Variants in MRAS observed in about 807,000 individuals in gnomAD.
MRAS encodes muscle RAS oncogene homolog.
Under a neutral mutation model 20.9 loss-of-function variants are expected in MRAS, and 4 were observed. The ratio of observed to expected loss-of-function variants is 0.19; its 90% CI spans 0.09 to 0.44. MRAS has a LOEUF of 0.44. MRAS is among the 20% of genes least tolerant of loss of function. The probability of loss-of-function intolerance (pLI) is 0.99; values close to 1 mark genes in which losing one functional copy is unlikely to be tolerated. For missense variants in MRAS, 154 were observed against 277.5 expected, an observed-to-expected ratio of 0.56 and a Z score of 3.16; for synonymous variants, 98 against 102.9, an observed-to-expected ratio of 0.95 and a Z score of 0.29.
At chr3:138,398,975 G>A (rs929930656) in intron 4 of MRAS, among the ~76,000 whole-genome samples, 3 of 152,222 alleles carry the variant, frequency 2.0e-5, no homozygotes, top group Non-Finnish European at 4.4e-5. Flanking sequence ...TCCCCTCTGG[G>A]TGTGTGCAGG....
At chr3:138,362,276 T>G (rs1174769278) in intron 1 of MRAS, among the ~76,000 whole-genome samples, 3 of 152,194 alleles carry the variant, frequency 2.0e-5, no homozygotes, top group Admixed American at 2.0e-4. Context: ...GGCAGTGTTT[T>G]CATTTTGCAA....
chr3:138,364,739 T>TA (rs1031823640), intron 1 of MRAS, among the ~76,000 whole-genome samples: 1 of 152,250 alleles, frequency 6.6e-6, no homozygotes, highest in Non-Finnish European at 1.5e-5. Context: ...ACCAGATCTA[T>TA]GCCCTGGTCA....
intron 2 of MRAS, among the ~76,000 whole-genome samples, chr3:138,390,624 T>C (rs1055341174): frequency 2.6e-5 from 4 of 151,762 alleles, no homozygotes; most frequent in Admixed American, 2.6e-4. Context: ...AGCCCTGGAG[T>C]CAGAACTGCT....
At chr3:138,365,262 G>T (rs1349112074) in intron 1 of MRAS, among the ~76,000 whole-genome samples, 2 of 152,178 alleles carry the variant, frequency 1.3e-5, no homozygotes, top group African/African-American at 2.4e-5. Context: ...GATCACTATT[G>T]AATTATAATT....
intron 2 of MRAS, among the ~76,000 whole-genome samples, chr3:138,395,160 C>A (rs1269772518): frequency 6.6e-6 from 1 of 152,026 alleles, no homozygotes; most frequent in Non-Finnish European, 1.5e-5. Flanking sequence ...CCTGCCTCAG[C>A]CTCATGAGTA....
chr3:138,365,807 G>GACC (rs1464618429), intron 1 of MRAS, among the ~76,000 whole-genome samples: 1 of 152,192 alleles, frequency 6.6e-6, no homozygotes, highest in Non-Finnish European at 1.5e-5. Flanking sequence ...CAAGGAAGGG[G>GACC]ACCATGATCC....
At chr3:138,391,347 G>T (rs893906196) in intron 2 of MRAS, among the ~76,000 whole-genome samples, 1 of 152,138 alleles carries the variant, frequency 6.6e-6, no homozygotes, top group Non-Finnish European at 1.5e-5. Flanking sequence ...TTTAATTAGA[G>T]AGTTATAGAG....
At chr3:138,353,773 T>A (rs2054275445) in intron 1 of MRAS, among the ~76,000 whole-genome samples, 1 of 152,206 alleles carries the variant, frequency 6.6e-6, no homozygotes, top group Non-Finnish European at 1.5e-5. Flanking sequence ...ATATTCGCTA[T>A]CTCTAAGCCT....
chr3:138,375,633 C>G (rs1460731248), intron 2 of MRAS, among the ~76,000 whole-genome samples: 1 of 152,198 alleles, frequency 6.6e-6, no homozygotes, highest in Non-Finnish European at 1.5e-5. Flanking sequence ...CATATTTTGT[C>G]TGTCTGTTGG....
chr3:138,364,934 T>G (rs1440642640), intron 1 of MRAS, among the ~76,000 whole-genome samples: 6 of 152,220 alleles, frequency 3.9e-5, no homozygotes, highest in Non-Finnish European at 7.3e-5. Context: ...CTGACCTCTT[T>G]CCAGCACTCC....
Position 138,405,228 on chromosome 3 carries a change from C to T in MRAS, c.*2959C>T, listed in dbSNP as rs965101460. The T allele has an allele frequency of 3.9e-5, 6 of 152,662 alleles. No homozygotes were observed. The highest frequency in any genetic ancestry group is 2.6e-4 in the Admixed American group (4 of 15,284). 9.5% of individuals were successfully genotyped at this position (152,662 alleles called of 1,614,324 possible). A position where few individuals can be genotyped will look rare whatever the true frequency, so the allele number is the denominator to read the frequency against. On this transcript the variant is annotated 3_prime_UTR_variant, in exon 6 of 6. Coordinates refer to ENST00000423968, the MANE Select transcript of MRAS (RefSeq NM_001085049.3). ...TGTCTCACTTTTCCAGGAGACATGACCCACTAACGTGGCAACTTTAACCCA... is the reference window on the plus strand; with the variant it reads ...TGTCTCACTTTTCCAGGAGACATGATCCACTAACGTGGCAACTTTAACCCA...
rs766572718 is a variant in MRAS at position 138,397,442 on chromosome 3, C to T, written c.312C>T (p.Asp104=). 6.2e-7 allele frequency: 1 copy of T among 1,614,152 alleles called. No individual in the cohort carries two copies. The highest frequency in any genetic ancestry group is 8.5e-7 in the Non-Finnish European group (1 of 1,180,006). ...ACAAGGCCAGCTTTGAGCACGTGGACCGCTTCCACCAGCTTATCCTGCGCG... is the reference window on the plus strand; with the variant it reads ...ACAAGGCCAGCTTTGAGCACGTGGATCGCTTCCACCAGCTTATCCTGCGCG... The part of the protein sequence containing the change: ...VTDKASFEHV[D]RFHQLILRVK... Residue 104 remains aspartate (D), a synonymous_variant, in exon 3 of 6, where the codon GAC becomes GAT. Coordinates refer to ENST00000423968, the MANE Select transcript of MRAS (RefSeq NM_001085049.3).
At chr3:138,370,100 AC>A (rs1003503268) in intron 1 of MRAS, among the ~76,000 whole-genome samples, 1 of 152,148 alleles carries the variant, frequency 6.6e-6, no homozygotes, top group African/African-American at 2.4e-5. Context: ...CAGGCAGGTC[AC>A]AAGGTCAGGA....
chr3:138,364,938 G>A (rs2054530040), intron 1 of MRAS, among the ~76,000 whole-genome samples: 1 of 152,182 alleles, frequency 6.6e-6, no homozygotes, highest in South Asian at 2.1e-4. Flanking sequence ...CCTCTTTCCA[G>A]CACTCCTGGA....
At chr3:138,363,183 C>T (rs1026980750) in intron 1 of MRAS, among the ~76,000 whole-genome samples, 5 of 152,050 alleles carry the variant, frequency 3.3e-5, no homozygotes, top group African/African-American at 1.2e-4. Flanking sequence ...CTCCCTCAGC[C>T]TCTTGAGTAG....
chr3:138,374,299 A>G (rs1408764319), intron 2 of MRAS, among the ~76,000 whole-genome samples: 2 of 151,998 alleles, frequency 1.3e-5, no homozygotes, highest in Non-Finnish European at 2.9e-5. Flanking sequence ...GGTCTTTTAC[A>G]TGTTTTGTCA....
In MRAS at chr3:138,396,443, C is replaced by CG. The variant is rs2055237348; in HGVS notation, c.194-880dup. 5.3e-5 allele frequency among the ~76,000 whole-genome samples: 8 copies of CG among 152,270 alleles called. No individual in the cohort carries two copies. The South Asian group carries it at 1.7e-3, about 32-fold the overall frequency. On this transcript the variant is annotated intron_variant, in intron 2 of 5. Transcript: ENST00000423968. ...TCAGGCAGCAGGGGGACTGGGAAGA[C>CG]GCAGGGGAGGCTAAGCCATGAGCAG...
intron 1 of MRAS, among the ~76,000 whole-genome samples, chr3:138,371,614 T>C (rs182142320): frequency 1.3e-5 from 2 of 152,276 alleles, no homozygotes; most frequent in East Asian, 3.9e-4. Flanking sequence ...TCTTTTCTTC[T>C]ACACAGCCGT....
intron 1 of MRAS, among the ~76,000 whole-genome samples, chr3:138,372,548 A>C (rs1001591389): frequency 2.6e-5 from 4 of 152,240 alleles, no homozygotes; most frequent in Non-Finnish European, 5.9e-5. Context: ...CTGTACAAGT[A>C]GAGTTTAGTG....
Sources: gnomAD v4.1 joint callset for allele counts (sites outside exome capture counted in the v4.1 genomes callset) on GRCh38, gnomAD v4.1.1 for gene constraint, MANE v1.5 for transcripts, NCBI Gene and HGNC (gene_info 2026-07-23, HGNC 2026-07-21) for gene names.